The following CLDN18 variants were observed in gnomAD, a reference collection of about 807,000 sequenced individuals.
CLDN18 encodes the protein claudin 18.
A neutral mutation model predicts 25.0 loss-of-function variants in CLDN18; 20 were observed. The ratio of observed to expected loss-of-function variants is 0.80; its 90% CI spans 0.56 to 1.16. The LOEUF (loss-of-function observed/expected upper bound fraction) is 1.16. CLDN18 is among the 50% of genes most tolerant of loss of function. The probability of loss-of-function intolerance (pLI) is 0.00; values close to 1 mark genes in which losing one functional copy is unlikely to be tolerated. For synonymous variants in CLDN18, 125 were observed against 135.6 expected (o/e 0.92, Z 0.54); for missense variants, 297 against 345.4 (o/e 0.86, Z 1.11).
At chr3:138,027,634 G>C (rs1316920332) in intron 3 of CLDN18, among the ~76,000 whole-genome samples, 1 of 152,192 alleles carries the variant, frequency 6.6e-6, no homozygotes, top group East Asian at 1.9e-4. Flanking sequence ...AAACAAGATA[G>C]TGGTAAAAAA....
intron 1 of CLDN18, among the ~76,000 whole-genome samples, chr3:138,021,879 G>A (rs1387083354): frequency 6.6e-6 from 1 of 152,166 alleles, no homozygotes; most frequent in East Asian, 1.9e-4. Flanking sequence ...AGACACTGAT[G>A]AAACCATCTT....
intron 1 of CLDN18, among the ~76,000 whole-genome samples, chr3:138,014,619 C>A (rs1942183672): frequency 6.6e-6 from 1 of 152,064 alleles, no homozygotes. Flanking sequence ...CCCAGTTCTG[C>A]CTATCTGAGT....
chr3:138,015,033 C>G (rs1391259919), intron 1 of CLDN18, among the ~76,000 whole-genome samples: 1 of 152,266 alleles, frequency 6.6e-6, no homozygotes. Flanking sequence ...ACTCAGGAGG[C>G]TGTGGCAGGA....
chr3:138,000,686 C>T (rs1285697500), intron 1 of CLDN18, among the ~76,000 whole-genome samples: 3 of 152,202 alleles, frequency 2.0e-5, no homozygotes, highest in Non-Finnish European at 1.5e-5. Context: ...AACAGCGGAA[C>T]GTGAGCCAGA....
rs1368556648 is a variant in CLDN18 at position 138,032,574 on chromosome 3, A to C, written c.*1433A>C. 6.6e-6 allele frequency: 1 copy of C among 151,448 alleles called. No individual in the cohort carries two copies. The highest frequency in any genetic ancestry group is 1.5e-5 in the Non-Finnish European group (1 of 67,956). The allele number at this position is 151,448 out of a possible 1,614,324, so 9.4% of individuals were successfully genotyped here. On this transcript the variant is annotated 3_prime_UTR_variant, in exon 5 of 5. Transcript: ENST00000183605. The stretch of plus-strand genomic sequence containing the variant: ...ATTTGCATGGTTACAAGCCACTGCC[A>C]GTTAGCAGTAGCACTTTCCTGGCAC...
intron 1 of CLDN18, among the ~76,000 whole-genome samples, chr3:138,000,521 A>T (rs968938897): frequency 1.3e-5 from 2 of 152,058 alleles, no homozygotes; most frequent in African/African-American, 2.4e-5. Context: ...AGCCATTGAG[A>T]GGTTGGTTGT....
rs188571550 is a variant in CLDN18, at chr3:138,020,857, G to T, written c.221-2801G>T. 2.0e-5 allele frequency among the ~76,000 whole-genome samples: 3 copies of T among 152,252 alleles called. No homozygotes were observed. The East Asian group carries it at 5.8e-4, about 29-fold the overall frequency. ...ATTCTGTAAGAGTATACAGATCCTT[G>T]TACCTTGATGGAAGCCAGGACTTTA... On this transcript the variant is annotated intron_variant, in intron 1 of 4. Transcript: ENST00000183605.
intron 1 of CLDN18, 106 bp from the exon 2 acceptor site, chr3:138,023,552 T>G (rs952434619): frequency 1.9e-6 from 2 of 1,059,746 alleles, no homozygotes; most frequent in Admixed American, 4.4e-5. Context: ...TCTCAGAGGT[T>G]TGGTGCAGGT....
intron 1 of CLDN18, among the ~76,000 whole-genome samples, chr3:138,021,530 G>T (rs1942270165): frequency 6.6e-6 from 1 of 152,148 alleles, no homozygotes; most frequent in Non-Finnish European, 1.5e-5. Context: ...TACCCACCAG[G>T]ATGCTAAAGG....
chr3:138,029,344 C>A (rs574502221), intron 3 of CLDN18, among the ~76,000 whole-genome samples: 31 of 152,222 alleles, frequency 2.0e-4, no homozygotes, highest in Non-Finnish European at 3.5e-4. Context: ...CAGGGTTTCA[C>A]CATGTTGGCC....
At chr3:138,011,617 A>T (rs1942137522) in intron 1 of CLDN18, among the ~76,000 whole-genome samples, 1 of 152,180 alleles carries the variant, frequency 6.6e-6, no homozygotes, top group Non-Finnish European at 1.5e-5. Flanking sequence ...GAGAGGTGAG[A>T]TGCAGGAAAT....
chr3:138,024,463 G>T, intron 2 of CLDN18, 144 bp from the exon 3 acceptor site: 1 of 653,774 alleles, frequency 1.5e-6, no homozygotes, highest in Non-Finnish European at 2.8e-6. Context: ...TTAGCACATA[G>T]CAAGAATTCA....
At chr3:138,025,312 G>A (rs9811619) in intron 3 of CLDN18, among the ~76,000 whole-genome samples, 1 of 152,140 alleles carries the variant, frequency 6.6e-6, no homozygotes, top group Non-Finnish European at 1.5e-5. Flanking sequence ...ACCCCACTAC[G>A]ATTTGGTGTC....
In CLDN18 at chr3:138,010,594, C is replaced by T. The variant is rs552672466; in HGVS notation, c.220+149C>T. 3.2e-5 allele frequency: 33 copies of T among 1,036,716 alleles called. No individual in the cohort carries two copies. The South Asian group carries it at 3.5e-4, about 11-fold the overall frequency. 64.2% of individuals were successfully genotyped at this position (1,036,716 alleles called of 1,614,324 possible). The stretch of plus-strand genomic sequence containing the variant: ...GTGTGAATAAAAGGAGAAGCTGGCT[C>T]GTGTCTAATAGGGCAACAGTCATGC... On this transcript the variant is annotated intron_variant, in intron 1 of 4. Transcript: ENST00000183605.
At chr3:138,011,078 C>T (rs373350236) in intron 1 of CLDN18, among the ~76,000 whole-genome samples, 3 of 151,936 alleles carry the variant, frequency 2.0e-5, no homozygotes, top group South Asian at 4.2e-4. Context: ...ATGTGACATC[C>T]TTTCACCCCT....
intron 1 of CLDN18, among the ~76,000 whole-genome samples, chr3:138,020,979 C>G (rs1374314079): frequency 1.3e-5 from 2 of 152,190 alleles, no homozygotes; most frequent in Non-Finnish European, 2.9e-5. Flanking sequence ...GCTCTGCCTC[C>G]TTTCCCTTGG....
At chr3:138,027,736 G>T (rs1227130228) in intron 3 of CLDN18, among the ~76,000 whole-genome samples, 1 of 152,156 alleles carries the variant, frequency 6.6e-6, no homozygotes, top group Non-Finnish European at 1.5e-5. Context: ...CATCCATAGG[G>T]GTATCAAGGA....
intron 1 of CLDN18, among the ~76,000 whole-genome samples, chr3:137,999,425 G>C (rs1161775386): frequency 2.0e-5 from 3 of 152,204 alleles, no homozygotes; most frequent in East Asian, 1.9e-4. Context: ...CGGCCACTTT[G>C]TTCCTTCGGC....
intron 3 of CLDN18, 73 bp downstream of exon 3, chr3:138,024,797 C>T (rs1369427964): frequency 9.4e-6 from 8 of 851,988 alleles, no homozygotes; most frequent in South Asian, 1.7e-5. Context: ...AACACATGCA[C>T]CTAATGTGAC....
Sources: allele counts gnomAD v4.1 joint callset (sites outside exome capture counted in the v4.1 genomes callset), GRCh38; gene constraint gnomAD v4.1.1; transcripts MANE v1.5; gene names NCBI Gene and HGNC (gene_info 2026-07-23, HGNC 2026-07-21).